SLC1A4: variants seen among roughly 807,000 people sequenced by gnomAD.
SLC1A4 encodes the protein neutral amino acid transporter A.
In SLC1A4, 19 loss-of-function variants were observed where a neutral mutation model predicts 37.7. The ratio of observed to expected loss-of-function variants is 0.50; its 90% CI spans 0.35 to 0.74. The LOEUF is 0.74. Ranked by LOEUF, SLC1A4 falls within the 30% of genes least tolerant of loss-of-function variation. The pLI, the probability that SLC1A4 is intolerant of heterozygous loss-of-function variation, is 0.01. For synonymous variants in SLC1A4, 299 were observed against 309.8 expected, an observed-to-expected ratio of 0.97 and a Z score of 0.37; for missense variants, 570 against 712.9, an observed-to-expected ratio of 0.80 and a Z score of 2.28.
In SLC1A4 at chr2:65,010,580, C is replaced by A; in HGVS notation, c.634-17C>A. On this transcript the variant is annotated splice_polypyrimidine_tract_variant and intron_variant, in intron 3 of 7. Transcript: ENST00000234256. ...CTCATCTGTTGTAAACTTGTTCTAT[C>A]CTCTCTGATCCTGCAGATCCCCATA... is the stretch of plus-strand genomic sequence containing the variant. 1 of 1,585,518 alleles carries A rather than the reference C, an allele frequency of 6.3e-7. No individual in the cohort carries two copies. Among genetic ancestry groups the A allele is most frequent in the Non-Finnish European group, 8.6e-7 (1 of 1,167,942 alleles).
intron 3 of SLC1A4, among the ~76,000 whole-genome samples, chr2:65,004,658 A>G (rs1451716725): frequency 2.0e-5 from 3 of 151,916 alleles, no homozygotes; most frequent in Admixed American, 1.3e-4. Context: ...CTACCCCTAT[A>G]CCTATTACAT....
rs1672957885 is a variant in SLC1A4, at chr2:64,989,540, A to G, written c.-104A>G. ...GAGACCCCCGGGGCGGCTTCCCAGA[A>G]CCTGCGGAGCACAACTGGCCGACCG... On this transcript the variant is annotated 5_prime_UTR_variant, in exon 1 of 8. Transcript: ENST00000234256. 7 of 1,119,358 alleles carry G rather than the reference A, an allele frequency of 6.3e-6. No individual in the cohort carries two copies. The highest frequency in any genetic ancestry group is 8.2e-6 in the Non-Finnish European group (7 of 855,832). The allele number at this position is 1,119,358 out of a possible 1,614,324, so 69.3% of individuals were successfully genotyped here.
intron 4 of SLC1A4, among the ~76,000 whole-genome samples, chr2:65,015,150 A>C (rs1044708246): frequency 6.6e-6 from 1 of 152,234 alleles, no homozygotes; most frequent in Non-Finnish European, 1.5e-5. Context: ...AAGAAGTAGA[A>C]CAGTGATTCT....
rs1376267100 is a variant in SLC1A4, at chr2:65,018,536, A to T, written c.1230-9A>T. The T allele has an allele frequency of 6.2e-7, 1 of 1,613,880 alleles. No individual in the cohort carries two copies. Among genetic ancestry groups the T allele is most frequent in the African/African-American group, 1.3e-5 (1 of 74,926 alleles). On this transcript the variant is annotated splice_polypyrimidine_tract_variant and intron_variant, in intron 6 of 7. Transcript: ENST00000234256. This position sits in a 1 kb window ranked among gnomAD's most constrained non-coding sequence, Gnocchi z 4.3. The stretch of plus-strand genomic sequence containing the variant: ...TGTTAATGGCTGGCCCTGCTCTGCC[A>T]TCCCTTAGAGTGACTGCCACAGCGT...
chr2:65,020,787 G>A (rs1674386748), intron 7 of SLC1A4, 125 bp from the exon 8 acceptor site: 3 of 722,450 alleles, frequency 4.2e-6, no homozygotes, highest in Non-Finnish European at 7.4e-6. Context: ...TGCCTTAGAA[G>A]CATGCTCTCC....
intron 2 of SLC1A4, among the ~76,000 whole-genome samples, chr2:65,001,846 A>G (rs1673470870): frequency 6.6e-6 from 1 of 152,208 alleles, no homozygotes; most frequent in South Asian, 2.1e-4. Flanking sequence ...ATATGTGCTC[A>G]CTGCAAAAAA....
intron 1 of SLC1A4, chr2:64,999,418 A>G (rs1214198660): frequency 6.6e-6 from 1 of 152,154 alleles, no homozygotes; most frequent in East Asian, 1.9e-4. Flanking sequence ...TAATGCATTG[A>G]TTTTTGCATC....
intron 4 of SLC1A4, among the ~76,000 whole-genome samples, chr2:65,014,282 A>G (rs1572966102): frequency 6.6e-6 from 1 of 152,254 alleles, no homozygotes; most frequent in East Asian, 1.9e-4. Flanking sequence ...ATTACTGAAA[A>G]AGAAAAATCA....
chr2:64,995,134 C>A (rs535145146), intron 1 of SLC1A4, among the ~76,000 whole-genome samples: 34 of 152,192 alleles, frequency 2.2e-4, no homozygotes, highest in African/African-American at 8.2e-4. Context: ...CAGGAGGACA[C>A]CTGAATAGTT....
At position 65,003,958 on chromosome 2, in the gene SLC1A4, A is replaced by C. The variant is rs1195851358; in HGVS notation, c.576A>C (p.Ala192=). 1.9e-6 allele frequency: 3 copies of C among 1,614,032 alleles called. No individual in the cohort carries two copies. The highest frequency in any genetic ancestry group is 2.5e-6 in the Non-Finnish European group (3 of 1,179,902). ...TTTTTTCCTCTTGATCACAGTATGC[A>C]ACCGATTATAAAGTCGTGACCCAGA... ...NLVVAAFRTY[A]TDYKVVTQNS... Residue 192 remains alanine, a synonymous_variant, in exon 3 of 8, where the codon GCA becomes GCC. Transcript: ENST00000234256.
At position 64,997,412 on chromosome 2, in the gene SLC1A4, C is replaced by T. The variant is rs111477346; in HGVS notation, c.528-4036C>T. Among the ~76,000 whole-genome samples the T allele has an allele frequency of 9.9e-5, 15 of 152,282 alleles. 2 individuals are homozygous for T. Among genetic ancestry groups the T allele is most frequent in the African/African-American group, 3.6e-4 (15 of 41,546 alleles). ...CTGACAAATGGATAACTCATGTGAC[C>T]ACCACCACAATCAAGATACTGAACT... On this transcript the variant is annotated intron_variant, in intron 1 of 7. Coordinates refer to ENST00000234256, the MANE Select transcript of SLC1A4 (RefSeq NM_003038.5).
At position 64,989,700 on chromosome 2, in the gene SLC1A4, G is replaced by A; in HGVS notation, c.57G>A (p.Ala19=). 6.5e-7 allele frequency: 1 copy of A among 1,529,924 alleles called. No individual in the cohort carries two copies. Among genetic ancestry groups the A allele is most frequent in the Non-Finnish European group, 8.7e-7 (1 of 1,144,696 alleles). 94.8% of individuals were successfully genotyped at this position (1,529,924 alleles called of 1,614,324 possible). A position where few individuals can be genotyped will look rare whatever the true frequency, so the allele number is the denominator to read the frequency against. ...TTGACAGCGCTCAGGCGGGGCCTGC[G>A]GCCGGGCCCGGAGCTCCGGGGACCG... ...GYLDSAQAGP[A]AGPGAPGTAA... is the part of the protein sequence containing the mutation. The change falls in exon 1 of 8, where the codon GCG becomes GCA. Residue 19 remains alanine, a synonymous_variant. Coordinates refer to ENST00000234256, the MANE Select transcript of SLC1A4 (RefSeq NM_003038.5).
intron 1 of SLC1A4, among the ~76,000 whole-genome samples, chr2:64,995,427 T>G (rs1229159974): frequency 6.6e-6 from 1 of 152,236 alleles, no homozygotes; most frequent in Non-Finnish European, 1.5e-5. Context: ...TTTGATATGA[T>G]GCATGAATGC....
rs1305239302 is a variant in SLC1A4, at chr2:65,016,683, TTTTG to T, written c.1034+11_1034+14del. On this transcript the variant is annotated intron_variant, in intron 5 of 7. Transcript: ENST00000234256. ...TTGCTACCTGCTCCAGGTGAGTGGG[TTTTG>T]GGTCTCTTCACTGCTCTGAGCCATG... is the stretch of plus-strand genomic sequence containing the variant. 1 of 1,592,206 alleles carries T rather than the reference TTTTG, an allele frequency of 6.3e-7. No individual in the cohort carries two copies. Among genetic ancestry groups the T allele is most frequent in the African/African-American group, 1.3e-5 (1 of 74,464 alleles).
intron 2 of SLC1A4, among the ~76,000 whole-genome samples, chr2:65,002,055 G>A (rs2103647410): frequency 6.6e-6 from 1 of 152,248 alleles, no homozygotes; most frequent in African/African-American, 2.4e-5. Context: ...CAAGGTGGGT[G>A]GATCACTTGA....
At chr2:65,002,182 A>G (rs1344545830) in intron 2 of SLC1A4, among the ~76,000 whole-genome samples, 2 of 152,074 alleles carry the variant, frequency 1.3e-5, no homozygotes, top group Admixed American at 1.3e-4. Context: ...CAGGAAGCTG[A>G]GGCTGGAGAA....
At chr2:65,016,315 G>A in intron 4 of SLC1A4, 125 bp from the exon 5 acceptor site, 3 of 762,972 alleles carry the variant, frequency 3.9e-6, no homozygotes, top group Admixed American at 2.1e-5. Context: ...CGGTTCCTCG[G>A]GGTTATCCTA....
intron 3 of SLC1A4, among the ~76,000 whole-genome samples, chr2:65,006,165 C>T (rs766866729): frequency 5.3e-5 from 8 of 152,154 alleles, no homozygotes; most frequent in Non-Finnish European, 1.2e-4. Flanking sequence ...CTTGCCTTCA[C>T]TGTAAATTTC....
At position 65,017,813 on chromosome 2, in the gene SLC1A4, A is replaced by T. The variant is rs1245773356; in HGVS notation, c.1035-258A>T. Among the ~76,000 whole-genome samples, 3 of 152,254 alleles carry T rather than the reference A, an allele frequency of 2.0e-5. No homozygotes were observed. In the East Asian group the frequency reaches 5.8e-4, roughly 29 times the overall value. On this transcript the variant is annotated intron_variant, in intron 5 of 7. Coordinates refer to ENST00000234256, the MANE Select transcript of SLC1A4 (RefSeq NM_003038.5). ...CGGGAGGCAATGTGCAGTTCTTAAG[A>T]AACTTGGAACACGTGAATCCAAGTA...
Sources: gnomAD v4.1 joint callset for allele counts (sites outside exome capture counted in the v4.1 genomes callset) on GRCh38, gnomAD v4.1.1 for gene constraint, Gnocchi (gnomAD v3.1) non-coding constraint, MANE v1.5 for transcripts, NCBI Gene and HGNC (gene_info 2026-07-23, HGNC 2026-07-21) for gene names.